RIOK1: variants seen among roughly 807,000 people sequenced by gnomAD.
RIOK1 encodes RIO kinase 1.
A neutral mutation model predicts 73.5 loss-of-function variants in RIOK1; 66 were observed. The observed-to-expected ratio is 0.90, with a 90% CI of 0.74 to 1.10. The LOEUF is 1.10. Among genes scored for constraint, RIOK1 ranks in the 50% least tolerant of loss-of-function variants. The probability of loss-of-function intolerance (pLI) is 0.00; values close to 1 mark genes in which losing one functional copy is unlikely to be tolerated. For missense variants in RIOK1, 658 were observed against 699.8 expected (o/e 0.94, Z 0.67); for synonymous variants, 224 against 226.8 (o/e 0.99, Z 0.11).
At position 7,403,551 on chromosome 6, in the gene RIOK1, CTT is replaced by C. The variant is rs1265045340; in HGVS notation, c.768-387_768-386del. On this transcript the variant is annotated intron_variant, in intron 8 of 16. Transcript: ENST00000379834. ...AGCAAGTACTACTCGTTTTGAAAGTCTTTTGTGTTCAACAAGCTATTAGGTGT... is the reference window on the plus strand; with the variant it reads ...AGCAAGTACTACTCGTTTTGAAAGTCTTGTGTTCAACAAGCTATTAGGTGT... Among the ~76,000 whole-genome samples, 4 of 152,158 alleles carry C rather than the reference CTT, an allele frequency of 2.6e-5. No homozygotes were observed. In the East Asian group the frequency reaches 7.7e-4, roughly 29 times the overall value.
chr6:7,392,984 A>T, intron 1 of RIOK1, 115 bp from the exon 2 acceptor site: 1 of 1,291,278 alleles, frequency 7.7e-7, no homozygotes, highest in Non-Finnish European at 1.0e-6. Flanking sequence ...ATTTTATATA[A>T]ATATATAATC....
intron 16 of RIOK1, among the ~76,000 whole-genome samples, chr6:7,414,895 GTCC>G (rs1210112963): frequency 2.6e-5 from 4 of 152,160 alleles, no homozygotes; most frequent in South Asian, 2.1e-4. Flanking sequence ...AATTCATGCT[GTCC>G]TCCTCCATCC....
chr6:7,403,520 G>C (rs1761664612), intron 8 of RIOK1, among the ~76,000 whole-genome samples: 1 of 152,194 alleles, frequency 6.6e-6, no homozygotes. Context: ...GGATAGTGTA[G>C]TATTGAGCAA....
chr6:7,398,848 T>C, intron 5 of RIOK1, 108 bp downstream of exon 5: 1 of 842,736 alleles, frequency 1.2e-6, no homozygotes, highest in Non-Finnish European at 1.9e-6. Flanking sequence ...TTACCTAAAA[T>C]TACTCCTATA....
At position 7,389,930 on chromosome 6, in the gene RIOK1, C is replaced by T; in HGVS notation, c.-73C>T. On this transcript the variant is annotated 5_prime_UTR_variant, in exon 1 of 17. Transcript: ENST00000379834. Reference sequence around the variant, plus strand: ...GATATCCACGCCAAGGCCTTTGGATCGGCCGTGGGTACATCCGTCTGAGCC... The same window carrying T: ...GATATCCACGCCAAGGCCTTTGGATTGGCCGTGGGTACATCCGTCTGAGCC... The T allele has an allele frequency of 8.2e-7, 1 of 1,215,992 alleles. No homozygotes were observed. The highest frequency in any genetic ancestry group is 1.2e-6 in the Non-Finnish European group (1 of 861,132). 75.3% of individuals were successfully genotyped at this position (1,215,992 alleles called of 1,614,324 possible). A position where few individuals can be genotyped will look rare whatever the true frequency, so the allele number is the denominator to read the frequency against.
chr6:7,396,635 G>T, intron 3 of RIOK1, 68 bp from the exon 4 acceptor site: 1 of 887,324 alleles, frequency 1.1e-6, no homozygotes, highest in Admixed American at 2.1e-5. Context: ...GAAATACCCT[G>T]TTCAGCAACT....
chr6:7,411,240 T>C (rs1761875877), intron 13 of RIOK1, 92 bp from the exon 14 acceptor site: 11 of 1,369,592 alleles, frequency 8.0e-6, no homozygotes, highest in South Asian at 3.8e-5. Flanking sequence ...AATGAATATA[T>C]AGATTCCCCT....
rs967475573 is a variant in RIOK1, at chr6:7,414,265, G to C, written c.1471G>C (p.Glu491Gln). 9 of 1,612,928 alleles carry C rather than the reference G, an allele frequency of 5.6e-6. No homozygotes were observed. The Admixed American group carries it at 1.2e-4, about 21-fold the overall frequency. Reference sequence around the variant, plus strand: ...CCCTGCACTCCTAGAAAATCAAGTGGAGGAAAGGACTTGTTCTGATTCAGA... The same window carrying C: ...CCCTGCACTCCTAGAAAATCAAGTGCAGGAAAGGACTTGTTCTGATTCAGA... ...KVPALLENQV[E>Q]ERTCSDSEDI... The change falls in exon 16 of 17, where the codon GAG (glutamate) becomes CAG (glutamine). Residue 491 changes from glutamate to glutamine, a missense_variant. Physicochemically the swap from Glu to Gln is conservative, Grantham distance 29. Coordinates refer to ENST00000379834, the MANE Select transcript of RIOK1 (RefSeq NM_031480.3).
At chr6:7,404,332 T>A (rs564144266) in intron 9 of RIOK1, 86 bp from the exon 10 acceptor site, 1 of 1,430,092 alleles carries the variant, frequency 7.0e-7, no homozygotes, top group South Asian at 1.2e-5. Flanking sequence ...ACATGATGAG[T>A]TGTAGAAGAG....
At chr6:7,404,827 A>G in intron 10 of RIOK1, 91 bp from the exon 11 acceptor site, 3 of 1,124,728 alleles carry the variant, frequency 2.7e-6, no homozygotes, top group South Asian at 1.4e-5. Flanking sequence ...TTTGTGAGCT[A>G]CTTCCCTTGC....
intron 8 of RIOK1, among the ~76,000 whole-genome samples, chr6:7,403,283 C>T (rs899101747): frequency 2.6e-5 from 4 of 152,276 alleles, no homozygotes; most frequent in African/African-American, 4.8e-5. Flanking sequence ...GTCATGTTTT[C>T]GTAGGTATTG....
intron 15 of RIOK1, among the ~76,000 whole-genome samples, chr6:7,413,909 C>T (rs776669290): frequency 3.9e-5 from 6 of 152,156 alleles, no homozygotes; most frequent in Non-Finnish European, 7.3e-5. Flanking sequence ...CATTTTCTAC[C>T]TCTATGTATA....
Position 7,393,304 on chromosome 6 carries a change from G to T in RIOK1, c.276+1G>T. 6.2e-7 allele frequency: 1 copy of T among 1,613,650 alleles called. No homozygotes were observed. The highest frequency in any genetic ancestry group is 8.5e-7 in the Non-Finnish European group (1 of 1,179,614). On this transcript the variant is annotated splice_donor_variant, in intron 2 of 16. Coordinates refer to ENST00000379834, the MANE Select transcript of RIOK1 (RefSeq NM_031480.3). LOFTEE classifies it high-confidence loss of function. ...CTGGAATGGAGGAAGCAACCCACAG[G>T]TATTTTATAAAGGATCCTGCACATC...
chr6:7,412,743 T>C (rs918648115), intron 14 of RIOK1, 146 bp from the exon 15 acceptor site: 27 of 404,672 alleles, frequency 6.7e-5, no homozygotes, highest in Middle Eastern at 6.6e-4. Flanking sequence ...AAACTTCCTG[T>C]GTTACAGTGA....
chr6:7,404,566 T>A lies in RIOK1; in HGVS notation c.992+11T>A, dbSNP rs1015105543. ...TGAATTTAACATGCTGTGAGTGTAT[T>A]TTGTCTCTTAAGAACTGCCTGTCAG... On this transcript the variant is annotated intron_variant, in intron 10 of 16. Coordinates refer to ENST00000379834, the MANE Select transcript of RIOK1 (RefSeq NM_031480.3). 6.2e-7 allele frequency: 1 copy of A among 1,612,996 alleles called. No homozygotes were observed. The highest frequency in any genetic ancestry group is 1.3e-5 in the African/African-American group (1 of 74,906).
chr6:7,393,569 T>C (rs566723249), intron 2 of RIOK1, among the ~76,000 whole-genome samples: 1 of 152,354 alleles, frequency 6.6e-6, no homozygotes. Flanking sequence ...AGGGCATGGA[T>C]TGGCAGTTTA....
In RIOK1 at chr6:7,405,371, G is replaced by A. The variant is rs1761720005; in HGVS notation, c.1203+16G>A. The A allele has an allele frequency of 7.0e-7, 1 of 1,430,654 alleles. No individual in the cohort carries two copies. The highest frequency in any genetic ancestry group is 9.9e-7 in the Non-Finnish European group (1 of 1,014,376). 88.6% of individuals were successfully genotyped at this position (1,430,654 alleles called of 1,614,324 possible). A position where few individuals can be genotyped will look rare whatever the true frequency, so the allele number is the denominator to read the frequency against. Reference sequence around the variant, plus strand: ...TCTCTCAAAGGTAAGATGGGGAGAGGAAGGAGGAATAGGAAATAGCAGTAC... The same window carrying A: ...TCTCTCAAAGGTAAGATGGGGAGAGAAAGGAGGAATAGGAAATAGCAGTAC... On this transcript the variant is annotated intron_variant, in intron 12 of 16. Transcript: ENST00000379834.
intron 4 of RIOK1, 126 bp downstream of exon 4, chr6:7,396,898 T>TGTGG: frequency 1.9e-6 from 1 of 525,708 alleles, no homozygotes; most frequent in Non-Finnish European, 3.4e-6. Context: ...TTTTGGTGTG[T>TGTGG]GTGTGTGTGT....
Position 7,414,406 on chromosome 6 carries a change from C to T in RIOK1, c.1596+16C>T, listed in dbSNP as rs767788584. On this transcript the variant is annotated intron_variant, in intron 16 of 16. Transcript: ENST00000379834. ...TGATAAAAAAGTAAGCAATGAAATA[C>T]CTTCCCCTTTTCTTTAGTGTGGGAG... 2.3e-5 allele frequency: 36 copies of T among 1,592,742 alleles called. No homozygotes were observed. Among genetic ancestry groups the T allele is most frequent in the South Asian group, 1.0e-4 (9 of 86,882 alleles).
Sources: gnomAD v4.1 joint callset for allele counts (sites outside exome capture counted in the v4.1 genomes callset) on GRCh38, gnomAD v4.1.1 for gene constraint, MANE v1.5 for transcripts, NCBI Gene and HGNC (gene_info 2026-07-23, HGNC 2026-07-21) for gene names.